The following ROBO2 variants were observed in gnomAD, a reference collection of about 807,000 sequenced individuals.
The protein encoded by ROBO2 is roundabout homolog 2.
Under a neutral mutation model 160.8 loss-of-function variants are expected in ROBO2, and 53 were observed. The ratio of observed to expected loss-of-function variants is 0.33; its 90% CI spans 0.26 to 0.41. The LOEUF (loss-of-function observed/expected upper bound fraction) is 0.41. Among genes scored for constraint, ROBO2 ranks in the 10% least tolerant of loss-of-function variants. The pLI is 1.00. For synonymous variants in ROBO2, 664 were observed against 611.7 expected (o/e 1.09, Z -1.26); for missense variants, 1,577 against 1,722.4 (o/e 0.92, Z 1.49).
chr3:76,436,060 T>C lies in ROBO2; in HGVS notation c.109+498458T>C, dbSNP rs192392520. ...TCTCTGGTGCTAGCTGCTGTAGCAGTGTCCTTCATCCAGGGAAGTTAATGG... is the reference window on the plus strand; with the variant it reads ...TCTCTGGTGCTAGCTGCTGTAGCAGCGTCCTTCATCCAGGGAAGTTAATGG... On this transcript the variant is annotated intron_variant, in intron 2 of 26. Coordinates refer to the ROBO2 transcript ENST00000487694. Among the ~76,000 whole-genome samples the C allele has an allele frequency of 1.6e-4, 25 of 151,828 alleles. No homozygotes were observed. In the East Asian group the frequency reaches 2.5e-3, roughly 15 times the overall value.
chr3:76,185,195 G>GATATATATATAT (rs1219580267), intron 2 of ROBO2, among the ~76,000 whole-genome samples: 704 of 44,456 alleles, frequency 0.016, 25 homozygotes, highest in Admixed American at 0.072. Context: ...AGTAAACACA[G>GATATATATATAT]ATATATATAT....
chr3:76,435,491 G>C, intron 2 of ROBO2: 1 of 676,580 alleles, frequency 1.5e-6, no homozygotes, highest in Non-Finnish European at 2.7e-6. Flanking sequence ...TATCAAGATG[G>C]TTCTTTTCGC....
chr3:76,888,902 AG>A (rs2074122926), intron 2 of ROBO2, among the ~76,000 whole-genome samples: 1 of 152,268 alleles, frequency 6.6e-6, no homozygotes, highest in African/African-American at 2.4e-5. Flanking sequence ...TTATCTGTTA[AG>A]GAATAATAAC....
chr3:76,910,205 A>T (rs2075880648), intron 2 of ROBO2, among the ~76,000 whole-genome samples: 1 of 152,158 alleles, frequency 6.6e-6, no homozygotes, highest in Non-Finnish European at 1.5e-5. Context: ...TTTGATTGGG[A>T]CACTGTTCAA....
At chr3:77,503,457 G>A (rs1222038064) in intron 5 of ROBO2, among the ~76,000 whole-genome samples, 2 of 151,086 alleles carry the variant, frequency 1.3e-5, no homozygotes, top group Admixed American at 6.6e-5. Context: ...CCGGGAGGCA[G>A]AGCTTGCAGT....
chr3:77,260,728 C>T (rs561137615), intron 2 of ROBO2, among the ~76,000 whole-genome samples: 2 of 152,264 alleles, frequency 1.3e-5, no homozygotes, highest in Admixed American at 6.5e-5. Flanking sequence ...TCCAATTATT[C>T]GATGACAGTA....
chr3:76,812,466 G>T (rs554130233), intron 2 of ROBO2, among the ~76,000 whole-genome samples: 1 of 151,440 alleles, frequency 6.6e-6, no homozygotes, highest in African/African-American at 2.4e-5. Context: ...GATTTTTGGG[G>T]GACTTGAGTG....
At chr3:76,588,116 G>T (rs188576258) in intron 2 of ROBO2, among the ~76,000 whole-genome samples, 13 of 152,268 alleles carry the variant, frequency 8.5e-5, no homozygotes. Context: ...TCACCCATCA[G>T]GAAGATCAAA....
chr3:76,058,853 T>A (rs1222032811), intron 2 of ROBO2, among the ~76,000 whole-genome samples: 2 of 129,596 alleles, frequency 1.5e-5, no homozygotes, highest in Admixed American at 1.8e-4. Flanking sequence ...CCTGTGTCCA[T>A]GTGTTCTCAT....
At chr3:77,510,028 G>T (rs1049669866) in intron 5 of ROBO2, among the ~76,000 whole-genome samples, 12 of 152,128 alleles carry the variant, frequency 7.9e-5, no homozygotes, top group Admixed American at 7.9e-4. Context: ...GACAGCCCGA[G>T]AATTCTGGGG....
At chr3:77,150,168 C>A (rs750041710) in intron 2 of ROBO2, among the ~76,000 whole-genome samples, 4 of 152,074 alleles carry the variant, frequency 2.6e-5, no homozygotes, top group Non-Finnish European at 5.9e-5. Flanking sequence ...CTCAAAACTC[C>A]CCTGCTGGGC....
chr3:77,602,099 A>T, intron 19 of ROBO2, 111 bp from the exon 21 acceptor site: 1 of 1,097,908 alleles, frequency 9.1e-7, no homozygotes, highest in Non-Finnish European at 1.4e-6. Context: ...AGCCCATCTC[A>T]GCTGAAATGC....
At chr3:77,442,652 G>C (rs926089263) in intron 2 of ROBO2, among the ~76,000 whole-genome samples, 3 of 152,116 alleles carry the variant, frequency 2.0e-5, no homozygotes, top group South Asian at 2.1e-4. Context: ...AATGACTATA[G>C]CGTGATGATG....
At chr3:77,553,479 T>C (rs939190312) in intron 8 of ROBO2, among the ~76,000 whole-genome samples, 1 of 151,934 alleles carries the variant, frequency 6.6e-6, no homozygotes, top group Non-Finnish European at 1.5e-5. Flanking sequence ...CTACAAAGGC[T>C]TAAGTTTAGT....
rs923816683 is a variant in ROBO2, at chr3:76,604,464, T to C, written c.110-493550T>C. Among the ~76,000 whole-genome samples the C allele has an allele frequency of 2.6e-5, 4 of 152,316 alleles. No individual in the cohort carries two copies. In the South Asian group the frequency reaches 6.2e-4, roughly 24 times the overall value. ...AAGGCATCATAAATTTAATTTTATA[T>C]GAAAATCACCTTTTTTACCTCATTT... On this transcript the variant is annotated intron_variant, in intron 2 of 26. Coordinates refer to the ROBO2 transcript ENST00000487694.
At chr3:76,788,122 A>G (rs1033400097) in intron 2 of ROBO2, among the ~76,000 whole-genome samples, 4 of 151,212 alleles carry the variant, frequency 2.6e-5, no homozygotes, top group African/African-American at 9.7e-5. Flanking sequence ...GAAGGGAAAT[A>G]ATAAAAAAGA....
chr3:77,083,258 G>A lies in ROBO2; in HGVS notation c.62-14756G>A, dbSNP rs542695108. On this transcript the variant is annotated intron_variant, in intron 1 of 25. Coordinates refer to ENST00000461745, the Ensembl canonical transcript of ROBO2. ...GTCCAAATAAACGCTGAGCCCCAGC[G>A]TGGAGGTTCAGAGTTTTGTACTTCA... Among the ~76,000 whole-genome samples, 15 of 152,240 alleles carry A rather than the reference G, an allele frequency of 9.9e-5. 1 individual carries two copies. The highest frequency in any genetic ancestry group is 2.1e-4 in the South Asian group (1 of 4,830).
rs1483781924 is a variant in ROBO2, at chr3:76,256,338, T to A, written c.109+318736T>A. Among the ~76,000 whole-genome samples, 170 of 88,744 alleles carry A rather than the reference T, an allele frequency of 1.9e-3. 1 individual carries two copies. The highest frequency in any genetic ancestry group is 4.7e-3 in the African/African-American group (125 of 26,810). 58.2% of individuals were successfully genotyped at this position (88,744 alleles called of 152,430 possible). A position where few individuals can be genotyped will look rare whatever the true frequency, so the allele number is the denominator to read the frequency against. On this transcript the variant is annotated intron_variant, in intron 2 of 26. Coordinates refer to the ROBO2 transcript ENST00000487694. Reference sequence around the variant, plus strand: ...CTCTCTCTCTCTCTCTCTCTCTCTCTCTCTCTCTCTCTCTCACATACACAC... The same window carrying A: ...CTCTCTCTCTCTCTCTCTCTCTCTCACTCTCTCTCTCTCTCACATACACAC...
chr3:77,640,617 T>C (rs1000021636), intron 24 of ROBO2, among the ~76,000 whole-genome samples: 1 of 152,190 alleles, frequency 6.6e-6, no homozygotes, highest in Non-Finnish European at 1.5e-5. Flanking sequence ...ATGGCACCTA[T>C]CTCATTGGAC....
Sources: gnomAD v4.1 joint callset for allele counts (sites outside exome capture counted in the v4.1 genomes callset) on GRCh38, gnomAD v4.1.1 for gene constraint, MANE v1.5 for transcripts, NCBI Gene and HGNC (gene_info 2026-07-23, HGNC 2026-07-21) for gene names.